Variants in CREBRF observed in about 807,000 individuals in gnomAD.
CREBRF encodes the protein UPF0474 protein C5orf41.
A neutral mutation model predicts 66.1 loss-of-function variants in CREBRF; 5 were observed. The observed-to-expected ratio is 0.08, with a 90% CI of 0.04 to 0.16. The LOEUF is 0.16. Among genes scored for constraint, CREBRF ranks in the 10% least tolerant of loss-of-function variants. The probability of loss-of-function intolerance (pLI) is 1.00; values close to 1 mark genes in which losing one functional copy is unlikely to be tolerated. For missense variants in CREBRF, 531 were observed against 744.9 expected (o/e 0.71, Z 3.34); for synonymous variants, 229 against 264.4 (o/e 0.87, Z 1.30).
rs1214519653 is a variant in CREBRF at position 173,090,298 on chromosome 5, T to C, written c.136-17T>C. ...CTGAAATATGATGTGCAATTTCTTT[T>C]TTAAAACCTTTCTCAGGATAGAGAG... On this transcript the variant is annotated splice_polypyrimidine_tract_variant and intron_variant, in intron 3 of 8. Transcript: ENST00000296953. This position sits in a 1 kb window ranked among gnomAD's most constrained non-coding sequence, Gnocchi z 4.5. The C allele has an allele frequency of 6.4e-7, 1 of 1,560,864 alleles. No individual in the cohort carries two copies. The highest frequency in any genetic ancestry group is 8.7e-7 in the Non-Finnish European group (1 of 1,148,124).
At chr5:173,058,480 ATT>A (rs548393057) in intron 1 of CREBRF, among the ~76,000 whole-genome samples, 1 of 145,076 alleles carries the variant, frequency 6.9e-6, no homozygotes. Context: ...TGATTCATCA[ATT>A]TTTTTTTTTT....
At chr5:173,069,037 A>C (rs971095953) in intron 1 of CREBRF, among the ~76,000 whole-genome samples, 1 of 151,642 alleles carries the variant, frequency 6.6e-6, no homozygotes, top group Non-Finnish European at 1.5e-5. Flanking sequence ...ACGCCACTGC[A>C]CTCCAGCCTG....
intron 8 of CREBRF, among the ~76,000 whole-genome samples, chr5:173,132,286 C>G (rs1397201204): frequency 6.6e-6 from 1 of 151,136 alleles, no homozygotes; most frequent in Non-Finnish European, 1.5e-5. Context: ...AGGATTTCAC[C>G]ATGTTGGCCA....
chr5:173,120,554 T>G (rs972698443), intron 7 of CREBRF, among the ~76,000 whole-genome samples: 1 of 151,198 alleles, frequency 6.6e-6, no homozygotes, highest in African/African-American at 2.4e-5. Context: ...TAATTATTTT[T>G]ATTTTTAGTA....
At chr5:173,065,248 T>C (rs1757400081) in intron 1 of CREBRF, among the ~76,000 whole-genome samples, 1 of 152,196 alleles carries the variant, frequency 6.6e-6, no homozygotes, top group South Asian at 2.1e-4. Context: ...GGAGGCATTC[T>C]AGTACAGCTG....
At chr5:173,123,767 A>G (rs1188456862) in intron 8 of CREBRF, 1 of 152,428 alleles carries the variant, frequency 6.6e-6, no homozygotes, top group African/African-American at 2.4e-5. Flanking sequence ...ATCCAGCGTT[A>G]TATGACCCAC....
At chr5:173,109,701 C>G (rs746866221) in intron 5 of CREBRF, 9 of 152,090 alleles carry the variant, frequency 5.9e-5, no homozygotes, top group African/African-American at 2.2e-4. Context: ...AGGTTATTCA[C>G]TCATCGTACG....
At chr5:173,116,518 T>A (rs1243466399) in intron 7 of CREBRF, among the ~76,000 whole-genome samples, 2 of 152,326 alleles carry the variant, frequency 1.3e-5, no homozygotes, top group South Asian at 4.1e-4. Context: ...TCACTCAGCA[T>A]AATTATTTAA....
At chr5:173,079,011 C>T (rs1757852753) in intron 1 of CREBRF, among the ~76,000 whole-genome samples, 1 of 152,056 alleles carries the variant, frequency 6.6e-6, no homozygotes. Flanking sequence ...TCATAGGAAT[C>T]AGGGGAGAGA....
intron 8 of CREBRF, among the ~76,000 whole-genome samples, chr5:173,125,834 C>A (rs565477915): frequency 6.6e-6 from 1 of 152,138 alleles, no homozygotes; most frequent in African/African-American, 2.4e-5. Flanking sequence ...ACTGCGCTCC[C>A]GCCTGGGCGA....
At chr5:173,082,013 T>TTTTTTTTTTTTTTTTTTTTTTG (rs1554123729) in intron 2 of CREBRF, among the ~76,000 whole-genome samples, 1 of 123,628 alleles carries the variant, frequency 8.1e-6, no homozygotes. Context: ...GTTTTTTTTT[T>TTTTTTTTTTTTTTTTTTTTTTG]TTTTTTTTTT....
intron 1 of CREBRF, among the ~76,000 whole-genome samples, chr5:173,058,151 A>G (rs1757132450): frequency 6.6e-6 from 1 of 152,110 alleles, no homozygotes; most frequent in Non-Finnish European, 1.5e-5. Context: ...AATCCAAAAT[A>G]GGATATACAC....
At chr5:173,086,096 G>A (rs971896888) in intron 2 of CREBRF, 1 of 827,498 alleles carries the variant, frequency 1.2e-6, no homozygotes, top group African/African-American at 1.7e-5. Flanking sequence ...TGACTGCATA[G>A]TTGTCAAAAA....
At chr5:173,089,021 AC>A (rs1195177345) in intron 3 of CREBRF, among the ~76,000 whole-genome samples, 3 of 151,960 alleles carry the variant, frequency 2.0e-5, no homozygotes, top group African/African-American at 7.3e-5. Context: ...TACTAAAAAT[AC>A]AAAAAAATTA....
intron 8 of CREBRF, 67 bp from the exon 9 acceptor site, chr5:173,133,563 G>A: frequency 1.2e-6 from 1 of 852,912 alleles, no homozygotes; most frequent in Non-Finnish European, 1.9e-6. Flanking sequence ...GTTTTTACCA[G>A]CTCCTTCCCT....
chr5:173,060,761 A>G lies in CREBRF; in HGVS notation c.-192+4282A>G, dbSNP rs1757246643. Among the ~76,000 whole-genome samples, 3 of 150,790 alleles carry G rather than the reference A, an allele frequency of 2.0e-5. No individual in the cohort carries two copies. The South Asian group carries it at 6.3e-4, about 32-fold the overall frequency. On this transcript the variant is annotated intron_variant, in intron 1 of 8. Coordinates refer to ENST00000296953, the MANE Select transcript of CREBRF (RefSeq NM_153607.3). ...TTTGGAACAGGATCAAATAGTTAAT[A>G]TTTAGGCTTTTTCAGCCTTCCAGTC...
At position 173,066,308 on chromosome 5, in the gene CREBRF, A is replaced by C. The variant is rs553406046; in HGVS notation, c.-192+9829A>C. Among the ~76,000 whole-genome samples, 197 of 152,274 alleles carry C rather than the reference A, an allele frequency of 1.3e-3. 1 individual carries two copies. The highest frequency in any genetic ancestry group is 4.6e-3 in the African/African-American group (190 of 41,556). On this transcript the variant is annotated intron_variant, in intron 1 of 8. Transcript: ENST00000296953. ...ATTTTCCTTTGTATTCAAAGATGCTACTTCTTCAAAGGCCACAGTGTAGAA... is the reference window on the plus strand; with the variant it reads ...ATTTTCCTTTGTATTCAAAGATGCTCCTTCTTCAAAGGCCACAGTGTAGAA...
At chr5:173,065,802 C>G (rs1008563005) in intron 1 of CREBRF, among the ~76,000 whole-genome samples, 1 of 150,878 alleles carries the variant, frequency 6.6e-6, no homozygotes, top group African/African-American at 2.4e-5. Context: ...GCCACCATGC[C>G]CAGCTAATTT....
At chr5:173,088,539 A>G (rs1233679954) in intron 3 of CREBRF, among the ~76,000 whole-genome samples, 1 of 151,582 alleles carries the variant, frequency 6.6e-6, no homozygotes, top group Non-Finnish European at 1.5e-5. Context: ...AAGATTATCT[A>G]AATATCTTCA....
Sources: allele counts gnomAD v4.1 joint callset (sites outside exome capture counted in the v4.1 genomes callset), GRCh38; gene constraint gnomAD v4.1.1; non-coding constraint Gnocchi (gnomAD v3.1); transcripts MANE v1.5; gene names NCBI Gene and HGNC (gene_info 2026-07-23, HGNC 2026-07-21).